The following MANBA variants were observed in gnomAD, a reference collection of about 807,000 sequenced individuals.
MANBA encodes mannosidase beta.
In MANBA, 83 loss-of-function variants were observed where a neutral mutation model predicts 111.1. The ratio of observed to expected loss-of-function variants is 0.75; its 90% CI spans 0.63 to 0.90. The LOEUF is 0.90. Among genes scored for constraint, MANBA ranks in the 40% least tolerant of loss-of-function variants. MANBA has a pLI of 0.00. For synonymous variants in MANBA, 370 were observed against 378.7 expected (o/e 0.98, Z 0.27); for missense variants, 1,036 against 1,069.0 (o/e 0.97, Z 0.43).
chr4:102,683,601 G>C (rs746408411), intron 7 of MANBA, among the ~76,000 whole-genome samples: 3 of 152,004 alleles, frequency 2.0e-5, no homozygotes, highest in Non-Finnish European at 2.9e-5. Context: ...AGTTAACCTG[G>C]GCAGAAAATG....
intron 5 of MANBA, among the ~76,000 whole-genome samples, chr4:102,698,697 T>G (rs1732859622): frequency 6.6e-6 from 1 of 152,004 alleles, no homozygotes; most frequent in Admixed American, 6.6e-5. Context: ...GAGGGCTCTA[T>G]TCTGTTCCCT....
intron 12 of MANBA, 98 bp downstream of exon 12, chr4:102,657,584 G>A (rs1730621513): frequency 1.0e-6 from 1 of 982,864 alleles, no homozygotes; most frequent in African/African-American, 1.6e-5. Context: ...ATTTAAATAA[G>A]ACGTAGGTTT....
At chr4:102,696,427 T>C (rs531037897) in intron 5 of MANBA, among the ~76,000 whole-genome samples, 25 of 152,228 alleles carry the variant, frequency 1.6e-4, no homozygotes, top group Non-Finnish European at 3.1e-4. Flanking sequence ...GAATAACTAC[T>C]GTCTGTAAAA....
intron 1 of MANBA, chr4:102,734,237 T>G: frequency 2.2e-6 from 2 of 905,100 alleles, no homozygotes; most frequent in South Asian, 3.6e-5. Flanking sequence ...CTGTACTTTC[T>G]GTTCAATTTT....
chr4:102,717,318 T>C (rs868334717), intron 4 of MANBA, among the ~76,000 whole-genome samples: 5 of 147,394 alleles, frequency 3.4e-5, no homozygotes, highest in African/African-American at 1.3e-4. Context: ...GCAGGGAACA[T>C]ACAGTGAGAG....
chr4:102,723,806 G>T, intron 3 of MANBA, 56 bp downstream of exon 3: 2 of 964,402 alleles, frequency 2.1e-6, no homozygotes, highest in Non-Finnish European at 3.3e-6. Flanking sequence ...ACTCACAAAA[G>T]CAATTAACAT....
intron 4 of MANBA, among the ~76,000 whole-genome samples, chr4:102,721,329 C>CATAAATAAATAAATAAATAAATAA (rs57059616): frequency 3.3e-5 from 5 of 151,012 alleles, no homozygotes; most frequent in African/African-American, 9.8e-5. Flanking sequence ...ATCTCAAATA[C>CATAAATAAATAAATAAATAAATAA]ATAAATAAAT....
chr4:102,652,428 C>CTT (rs1730376625), intron 12 of MANBA, among the ~76,000 whole-genome samples: 1 of 152,140 alleles, frequency 6.6e-6, no homozygotes, highest in South Asian at 2.1e-4. Context: ...TAAACCTGAT[C>CTT]TTTAGTTACG....
intron 7 of MANBA, among the ~76,000 whole-genome samples, chr4:102,689,373 T>C (rs1379063538): frequency 1.1e-5 from 1 of 91,224 alleles, no homozygotes; most frequent in Non-Finnish European, 2.6e-5. Context: ...TATATATATA[T>C]ATATATGTGT....
chr4:102,641,278 C>T (rs1002799238), intron 13 of MANBA, among the ~76,000 whole-genome samples: 3 of 152,106 alleles, frequency 2.0e-5, no homozygotes, highest in Admixed American at 6.5e-5. Flanking sequence ...CACAGGAAGC[C>T]GGGAGCAATG....
chr4:102,720,933 T>C (rs17033222), intron 4 of MANBA, among the ~76,000 whole-genome samples: 8,795 of 152,270 alleles, frequency 0.058, 749 homozygotes, highest in African/African-American at 0.19. Flanking sequence ...AAAAGAGCCA[T>C]TTAATTTAAT....
intron 7 of MANBA, among the ~76,000 whole-genome samples, chr4:102,688,900 T>G (rs993231095): frequency 6.6e-6 from 1 of 152,138 alleles, no homozygotes; most frequent in South Asian, 2.1e-4. Context: ...GAAGTAAGAA[T>G]AGGAAGTGAT....
rs1729347566 is a variant in MANBA at position 102,630,801 on chromosome 4, G to A, written c.*1256C>T. ...TTTATTCTTCAAAACAAACTTACAA[G>A]GTGGGTGTTACCACTCCCATTTAGC... On this transcript the variant is annotated 3_prime_UTR_variant, in exon 17 of 17. Coordinates refer to ENST00000647097, the MANE Select transcript of MANBA (RefSeq NM_005908.4). The A allele has an allele frequency of 6.6e-6, 1 of 152,176 alleles. No homozygotes were observed. The highest frequency in any genetic ancestry group is 6.5e-5 in the Admixed American group (1 of 15,276). 9.4% of individuals were successfully genotyped at this position (152,176 alleles called of 1,614,324 possible). A position where few individuals can be genotyped will look rare whatever the true frequency, so the allele number is the denominator to read the frequency against.
At chr4:102,709,384 A>G (rs1191007218) in intron 5 of MANBA, among the ~76,000 whole-genome samples, 1 of 130,260 alleles carries the variant, frequency 7.7e-6, no homozygotes, top group Non-Finnish European at 1.7e-5. Flanking sequence ...GGAAGGAAGG[A>G]AGAAAGAAAG....
intron 1 of MANBA, among the ~76,000 whole-genome samples, chr4:102,757,327 C>T (rs1399346821): frequency 2.0e-5 from 3 of 148,008 alleles, no homozygotes; most frequent in Non-Finnish European, 4.5e-5. Context: ...GAAACTCCGT[C>T]TCAAAAAAAA....
Position 102,671,781 on chromosome 4 carries a change from CT to C in MANBA, c.1113-384del, listed in dbSNP as rs541175533. On this transcript the variant is annotated intron_variant, in intron 8 of 16. Coordinates refer to ENST00000647097, the MANE Select transcript of MANBA (RefSeq NM_005908.4). ...ACTTGAGTATTAGTGCCTAGCACCCCTATCTCCTTTTATGCAATTTCTCCAG... is the reference window on the plus strand; with the variant it reads ...ACTTGAGTATTAGTGCCTAGCACCCCATCTCCTTTTATGCAATTTCTCCAG... The C allele has an allele frequency of 2.7e-4, 115 of 418,486 alleles. 1 individual carries two copies. The South Asian group carries it at 7.3e-3, about 27-fold the overall frequency. 25.9% of individuals were successfully genotyped at this position (418,486 alleles called of 1,614,324 possible). A position where few individuals can be genotyped will look rare whatever the true frequency, so the allele number is the denominator to read the frequency against.
chr4:102,760,598 A>C lies in MANBA; in HGVS notation c.177+120T>G, dbSNP rs545381741. On this transcript the variant is annotated intron_variant, in intron 1 of 16. Coordinates refer to ENST00000647097, the MANE Select transcript of MANBA (RefSeq NM_005908.4). ...CGCAGATCACAAGATGCAAAGGGGA[A>C]GTTACTACCAAACCGACGAGAATGG... 41 of 1,087,324 alleles carry C rather than the reference A, an allele frequency of 3.8e-5. No individual in the cohort carries two copies. The East Asian group carries it at 8.7e-4, about 23-fold the overall frequency. 67.4% of individuals were successfully genotyped at this position (1,087,324 alleles called of 1,614,324 possible). A position where few individuals can be genotyped will look rare whatever the true frequency, so the allele number is the denominator to read the frequency against.
chr4:102,715,804 T>C (rs765550092), intron 4 of MANBA, among the ~76,000 whole-genome samples: 1 of 152,242 alleles, frequency 6.6e-6, no homozygotes, highest in Non-Finnish European at 1.5e-5. Context: ...AATATATCTA[T>C]GTTGCACGTA....
At chr4:102,695,311 A>G (rs1732658734) in intron 5 of MANBA, among the ~76,000 whole-genome samples, 1 of 152,216 alleles carries the variant, frequency 6.6e-6, no homozygotes, top group South Asian at 2.1e-4. Flanking sequence ...TCTAGGAGAA[A>G]AAGGTATAAG....
Sources: allele counts gnomAD v4.1 joint callset (sites outside exome capture counted in the v4.1 genomes callset), GRCh38; gene constraint gnomAD v4.1.1; transcripts MANE v1.5; gene names NCBI Gene and HGNC (gene_info 2026-07-23, HGNC 2026-07-21).